REV3L: variants seen among roughly 807,000 people sequenced by gnomAD.
REV3L encodes the protein DNA polymerase zeta catalytic subunit.
Under a neutral mutation model 299.4 loss-of-function variants are expected in REV3L, and 69 were observed. The ratio of observed to expected loss-of-function variants is 0.23; its 90% confidence interval spans 0.19 to 0.28. The LOEUF is 0.28. Among genes scored for constraint, REV3L ranks in the 10% least tolerant of loss-of-function variants. The pLI is 1.00. For missense variants in REV3L, 3,128 were observed against 3,693.8 expected (o/e 0.85, Z 3.97); for synonymous variants, 1,238 against 1,271.4 (o/e 0.97, Z 0.56).
rs115209188 is a variant in REV3L, at chr6:111,449,914, T to C, written c.139+32836A>G. ...CAGGAAATGATACAGATGATGGAAT[T>C]AGTAAGCAAAGATATTAAAATAGTT... On this transcript the variant is annotated intron_variant, in intron 1 of 31. Coordinates refer to ENST00000368802, the MANE Select transcript of REV3L (RefSeq NM_001372078.1). 5.9e-3 allele frequency among the ~76,000 whole-genome samples: 896 copies of C among 152,292 alleles called. 9 individuals carry two copies. Among genetic ancestry groups the C allele is most frequent in the African/African-American group, 0.021 (854 of 41,546 alleles).
intron 31 of REV3L, among the ~76,000 whole-genome samples, chr6:111,304,940 T>G (rs922021269): frequency 2.7e-5 from 4 of 150,382 alleles, no homozygotes; most frequent in African/African-American, 1.0e-4. Context: ...TTGTTCTTTG[T>G]TCTTTTTTTT....
At position 111,331,772 on chromosome 6, in the gene REV3L, G is replaced by C. The variant is rs776134799; in HGVS notation, c.7938C>G (p.Phe2646Leu). 1 of 1,608,938 alleles carries C rather than the reference G, an allele frequency of 6.2e-7. No individual in the cohort carries two copies. Among genetic ancestry groups the C allele is most frequent in the Non-Finnish European group, 8.5e-7 (1 of 1,175,846 alleles). Residue 2646 changes from phenylalanine to leucine, a missense_variant, in exon 24 of 32, where the codon TTC (phenylalanine) becomes TTG (leucine). Coordinates refer to ENST00000368802, the MANE Select transcript of REV3L (RefSeq NM_001372078.1). ...HVENLGKYDE[F>L]KFGCTSLRVP... is the part of the protein sequence containing the mutation. Reference sequence around the variant, plus strand: ...CTCTCAGAGAGGTACAGCCAAATTTGAACTCATCATACCTGTTAAGAAAGA... The same window carrying C: ...CTCTCAGAGAGGTACAGCCAAATTTCAACTCATCATACCTGTTAAGAAAGA...
At chr6:111,411,420 T>C in intron 3 of REV3L, 60 bp downstream of exon 3, 1 of 1,130,320 alleles carries the variant, frequency 8.8e-7, no homozygotes, top group Non-Finnish European at 1.3e-6. Flanking sequence ...CTAGATTTTT[T>C]TTATTATTAA....
chr6:111,401,417 G>A (rs1252729880), intron 4 of REV3L, among the ~76,000 whole-genome samples: 2 of 152,122 alleles, frequency 1.3e-5, no homozygotes, highest in African/African-American at 2.4e-5. Context: ...GAATTCTAAG[G>A]ACCAAGGGCA....
At chr6:111,425,456 C>T (rs368904625) in intron 1 of REV3L, among the ~76,000 whole-genome samples, 13 of 151,860 alleles carry the variant, frequency 8.6e-5, no homozygotes, top group African/African-American at 3.1e-4. Flanking sequence ...GGGACTCCAT[C>T]TCAAAAAAGA....
At chr6:111,421,372 G>T (rs1028767921) in intron 1 of REV3L, among the ~76,000 whole-genome samples, 4 of 152,120 alleles carry the variant, frequency 2.6e-5, no homozygotes, top group African/African-American at 9.7e-5. Flanking sequence ...TTTTCTGGAA[G>T]GTGACAGTAA....
At chr6:111,339,012 T>C (rs986011446) in intron 21 of REV3L, among the ~76,000 whole-genome samples, 4 of 152,128 alleles carry the variant, frequency 2.6e-5, no homozygotes, top group African/African-American at 9.7e-5. Flanking sequence ...AGTTTCTGTA[T>C]GTGTGAAACA....
At chr6:111,308,552 A>C (rs1438342993) in intron 30 of REV3L, among the ~76,000 whole-genome samples, 1 of 152,230 alleles carries the variant, frequency 6.6e-6, no homozygotes, top group East Asian at 1.9e-4. Flanking sequence ...ACCATCGTTA[A>C]GTAGAAAAAT....
At position 111,482,935 on chromosome 6, in the gene REV3L, G is replaced by GGCAGCA. The variant is rs756652166; in HGVS notation, c.-53_-48dup. 5.4e-5 allele frequency: 80 copies of GGCAGCA among 1,479,498 alleles called. No individual in the cohort carries two copies. In the African/African-American group the frequency reaches 8.9e-4, roughly 17 times the overall value. 91.6% of individuals were successfully genotyped at this position (1,479,498 alleles called of 1,614,324 possible). On this transcript the variant is annotated 5_prime_UTR_variant, in exon 1 of 32. Transcript: ENST00000368802. Reference sequence around the variant, plus strand: ...CTCCCTTCACTGGCGACCCGGCAGCGGCAGCAGCAGCGGCGGCGGCTCCCT... The same window carrying GGCAGCA: ...CTCCCTTCACTGGCGACCCGGCAGCGGCAGCAGCAGCAGCAGCGGCGGCGGCTCCCT...
chr6:111,353,172 A>C lies in REV3L; in HGVS notation c.7185-1381T>G, dbSNP rs1777750767. Among the ~76,000 whole-genome samples the C allele has an allele frequency of 2.0e-5, 3 of 152,148 alleles. No homozygotes were observed. The South Asian group carries it at 6.2e-4, about 32-fold the overall frequency. ...CCTCAGCCAATGTCTACAGTACTAG[A>C]CTAATTTACTGATATAAGCTATCTA... On this transcript the variant is annotated intron_variant, in intron 18 of 31. Coordinates refer to ENST00000368802, the MANE Select transcript of REV3L (RefSeq NM_001372078.1).
At chr6:111,391,119 G>A (rs1781885916) in intron 5 of REV3L, among the ~76,000 whole-genome samples, 1 of 149,340 alleles carries the variant, frequency 6.7e-6, no homozygotes, top group African/African-American at 2.5e-5. Context: ...AGGCTGGAGT[G>A]CACTGGTGCG....
At chr6:111,305,512 A>C (rs1459833699) in intron 31 of REV3L, among the ~76,000 whole-genome samples, 1 of 152,142 alleles carries the variant, frequency 6.6e-6, no homozygotes, top group Non-Finnish European at 1.5e-5. Flanking sequence ...ACTTGAGCCC[A>C]GGAGGTTGAG....
chr6:111,483,164 A>G lies in REV3L; in HGVS notation c.-276T>C. ...GCCACTGCCGCCACCGCCGGGAATC[A>G]CACGGGCTCCTCGGTCCCAGGCTGC... On this transcript the variant is annotated 5_prime_UTR_variant, in exon 1 of 32. Coordinates refer to ENST00000368802, the MANE Select transcript of REV3L (RefSeq NM_001372078.1). 1 of 488,468 alleles carries G rather than the reference A, an allele frequency of 2.0e-6. No individual in the cohort carries two copies. The highest frequency in any genetic ancestry group is 3.5e-6 in the Non-Finnish European group (1 of 282,094). 30.3% of individuals were successfully genotyped at this position (488,468 alleles called of 1,614,324 possible).
chr6:111,472,095 G>C, intron 1 of REV3L: 2 of 1,262,728 alleles, frequency 1.6e-6, no homozygotes, highest in Non-Finnish European at 2.1e-6. Flanking sequence ...TATGATGACA[G>C]TTTAATTTTT....
chr6:111,329,590 G>T lies in REV3L; in HGVS notation c.8183C>A (p.Ala2728Glu), dbSNP rs1775185021. Reference protein sequence around the residue: ...DARQLGLKLIANVTFGYTSAN... With the variant: ...DARQLGLKLIENVTFGYTSAN... ...AGATGTATAGCCAAATGTGACATTT[G>T]CTATCAGCTTAAGTCCCAACTGACG... Residue 2728 changes from alanine (A) to glutamate (E), a missense_variant, in exon 25 of 32, where the codon GCA (alanine) becomes GAA (glutamate). Ala to Glu is a moderately radical substitution (Grantham distance 107). This residue lies in a region of REV3L where 53 missense variants were observed against 57.4 expected (regional missense o/e 0.92). Transcript: ENST00000368802. 1.2e-6 allele frequency: 2 copies of T among 1,613,968 alleles called. No individual in the cohort carries two copies. Among genetic ancestry groups the T allele is most frequent in the Non-Finnish European group, 1.7e-6 (2 of 1,180,032 alleles).
At chr6:111,328,791 G>A (rs1384432124) in intron 25 of REV3L, among the ~76,000 whole-genome samples, 2 of 151,968 alleles carry the variant, frequency 1.3e-5, no homozygotes, top group Admixed American at 6.6e-5. Flanking sequence ...TTTGAGACAG[G>A]GTCTCGTTCT....
At chr6:111,382,440 T>C (rs975136717) in intron 9 of REV3L, among the ~76,000 whole-genome samples, 6 of 152,098 alleles carry the variant, frequency 3.9e-5, no homozygotes, top group South Asian at 2.1e-4. Flanking sequence ...TTGCTTTGCA[T>C]TGGAACTCAG....
chr6:111,377,894 C>G (rs749943988), intron 11 of REV3L, 51 bp from the exon 12 acceptor site: 1 of 1,490,164 alleles, frequency 6.7e-7, no homozygotes, highest in African/African-American at 1.4e-5. Context: ...TAAAGACCAT[C>G]TCAGATGCAA....
intron 1 of REV3L, among the ~76,000 whole-genome samples, chr6:111,460,908 T>C (rs1449503949): frequency 6.6e-6 from 1 of 152,074 alleles, no homozygotes; most frequent in African/African-American, 2.4e-5. Flanking sequence ...TGTATTAACA[T>C]TGTAGTACGA....
Sources: gnomAD v4.1 joint callset for allele counts (sites outside exome capture counted in the v4.1 genomes callset) on GRCh38, gnomAD v4.1.1 for gene constraint, gnomAD v4.1.1 regional missense constraint, MANE v1.5 for transcripts, NCBI Gene and HGNC (gene_info 2026-07-23, HGNC 2026-07-21) for gene names.